TENM3: variants seen among roughly 807,000 people sequenced by gnomAD.
TENM3 encodes the protein teneurin-3.
In TENM3, 63 loss-of-function variants were observed where a neutral mutation model predicts 255.1. The observed-to-expected ratio is 0.25, with a 90% CI of 0.20 to 0.30. TENM3 has a LOEUF of 0.30. TENM3 is among the 10% of genes least tolerant of loss of function. TENM3 has a pLI of 1.00. For missense variants in TENM3, 2,929 were observed against 3,461.1 expected, an observed-to-expected ratio of 0.85 and a Z score of 3.86; for synonymous variants, 1,306 against 1,322.3, an observed-to-expected ratio of 0.99 and a Z score of 0.27.
At chr4:182,240,894 C>T (rs1757210754), upstream of TENM3, among the ~76,000 whole-genome samples, 1 of 152,206 alleles carries the variant, frequency 6.6e-6, no homozygotes, top group African/African-American at 2.4e-5. Flanking sequence ...TCAGATCTGG[C>T]CTCTGAGGCC....
the TENM3 span, among the ~76,000 whole-genome samples, chr4:181,536,180 T>A: frequency 6.6e-6 from 1 of 152,198 alleles, no homozygotes; most frequent in South Asian, 2.1e-4. Context: ...TCCCACCTAT[T>A]TAACATTAGT....
Position 182,517,673 on chromosome 4 carries a change from G to A in TENM3, c.512-83251G>A, listed in dbSNP as rs1419438921. The stretch of plus-strand genomic sequence containing the variant: ...GCTGGGATTACAGGCGTGAGCCACC[G>A]CGCCCGGCCAAACAAAGTTCATTCT... On this transcript the variant is annotated intron_variant, in intron 3 of 27. Transcript: ENST00000511685. Among the ~76,000 whole-genome samples, 8 of 151,856 alleles carry A rather than the reference G, an allele frequency of 5.3e-5. 1 individual carries two copies. The highest frequency in any genetic ancestry group is 4.2e-4 in the South Asian group (2 of 4,818).
At chr4:182,063,887 C>G in the TENM3 span, among the ~76,000 whole-genome samples, 1 of 152,168 alleles carries the variant, frequency 6.6e-6, no homozygotes, top group East Asian at 1.9e-4. Context: ...GAATATTAGT[C>G]ACAGAAAAGC....
chr4:181,602,477 G>T, the TENM3 span, among the ~76,000 whole-genome samples: 1 of 152,048 alleles, frequency 6.6e-6, no homozygotes. Flanking sequence ...GATTTTTTTT[G>T]AGTCATTAGT....
At chr4:182,356,998 G>A (rs540982643) in intron 3 of TENM3, among the ~76,000 whole-genome samples, 12 of 151,916 alleles carry the variant, frequency 7.9e-5, no homozygotes, top group Non-Finnish European at 1.6e-4. Flanking sequence ...ATAGTTTACT[G>A]AGAATAATGA....
upstream of TENM3, chr4:182,143,967 C>G (rs1285793330): frequency 6.6e-6 from 1 of 152,532 alleles, no homozygotes; most frequent in African/African-American, 2.4e-5. This position sits in a 1 kb window ranked among gnomAD's most constrained non-coding sequence, Gnocchi z 4.3. Flanking sequence ...TGGTTCAGTC[C>G]GGCAAATCCC....
chr4:182,197,303 A>G (rs889248144), intron 1 of TENM3, among the ~76,000 whole-genome samples: 1 of 152,178 alleles, frequency 6.6e-6, no homozygotes, highest in Non-Finnish European at 1.5e-5. Context: ...AGTATCTTCT[A>G]TAGCAGTAGG....
chr4:182,235,814 A>G (rs1756865499), intron 1 of TENM3, among the ~76,000 whole-genome samples: 1 of 152,230 alleles, frequency 6.6e-6, no homozygotes, highest in Admixed American at 6.5e-5. Context: ...GTGTTCATTC[A>G]GGCAGTGAAC....
chr4:181,885,158 A>G, the TENM3 span, among the ~76,000 whole-genome samples: 2 of 152,324 alleles, frequency 1.3e-5, no homozygotes, highest in South Asian at 2.1e-4. Context: ...CTGAGCAGCT[A>G]CTTACTTCCT....
intron 2 of TENM3, among the ~76,000 whole-genome samples, chr4:182,345,446 A>G (rs1281617923): frequency 5.3e-5 from 8 of 152,220 alleles, no homozygotes. Context: ...AATCAAAACT[A>G]TGAGTAATAT....
At chr4:182,408,581 C>G (rs1344116664) in intron 3 of TENM3, among the ~76,000 whole-genome samples, 1 of 152,176 alleles carries the variant, frequency 6.6e-6, no homozygotes, top group African/African-American at 2.4e-5. Context: ...GAATTAGAGA[C>G]AAGGCTGCTA....
the TENM3 span, among the ~76,000 whole-genome samples, chr4:181,971,340 A>G: frequency 1.3e-5 from 2 of 152,198 alleles, no homozygotes; most frequent in African/African-American, 4.8e-5. Flanking sequence ...TTTGTTAAAG[A>G]AAGAAACAGA....
intron 24 of TENM3, among the ~76,000 whole-genome samples, chr4:182,777,211 C>T (rs528102720): frequency 6.6e-6 from 1 of 152,232 alleles, no homozygotes; most frequent in South Asian, 2.1e-4. Flanking sequence ...TGCCACCTCT[C>T]TTACCTTGCA....
Position 182,623,132 on chromosome 4 carries a change from T to G in TENM3, c.750-5519T>G, listed in dbSNP as rs1476624248. The stretch of plus-strand genomic sequence containing the variant: ...TTCACGCCATTCTCCTGCCTCAGCC[T>G]CCCGAGTAGCTGGGACTACAGGCGC... On this transcript the variant is annotated intron_variant, in intron 4 of 27. Coordinates refer to ENST00000511685, the MANE Select transcript of TENM3 (RefSeq NM_001080477.4). Among the ~76,000 whole-genome samples, 8 of 150,866 alleles carry G rather than the reference T, an allele frequency of 5.3e-5. No individual in the cohort carries two copies. The East Asian group carries it at 1.6e-3, about 30-fold the overall frequency.
chr4:182,246,774 C>T (rs749743504), intron 1 of TENM3, among the ~76,000 whole-genome samples: 13 of 152,192 alleles, frequency 8.5e-5, no homozygotes, highest in Non-Finnish European at 1.5e-4. Flanking sequence ...TTCGCTTTGC[C>T]TTGCATTATT....
At chr4:182,516,540 A>G (rs1737969310) in intron 3 of TENM3, among the ~76,000 whole-genome samples, 1 of 152,010 alleles carries the variant, frequency 6.6e-6, no homozygotes, top group Non-Finnish European at 1.5e-5. Context: ...AATTTTTTTT[A>G]GAGTTGGCTG....
intron 3 of TENM3, among the ~76,000 whole-genome samples, chr4:182,597,155 T>C (rs2152402778): frequency 6.6e-6 from 1 of 152,268 alleles, no homozygotes; most frequent in South Asian, 2.1e-4. Context: ...GCAGTCTCAG[T>C]ACTTTGGGAG....
chr4:181,503,786 C>T, the TENM3 span, among the ~76,000 whole-genome samples: 1 of 152,198 alleles, frequency 6.6e-6, no homozygotes. Flanking sequence ...CAGTGGTTCT[C>T]AGCCAAGAGC....
chr4:182,152,018 G>A (rs1750390064), intron 1 of TENM3, among the ~76,000 whole-genome samples: 1 of 152,000 alleles, frequency 6.6e-6, no homozygotes, highest in African/African-American at 2.4e-5. Flanking sequence ...GTGAGAACAA[G>A]TTGACACAAT....
Sources: gnomAD v4.1 joint callset for allele counts (sites outside exome capture counted in the v4.1 genomes callset) on GRCh38, gnomAD v4.1.1 for gene constraint, Gnocchi (gnomAD v3.1) non-coding constraint, MANE v1.5 for transcripts, NCBI Gene and HGNC (gene_info 2026-07-23, HGNC 2026-07-21) for gene names.